The following PNRC2 variants were observed in gnomAD, a reference collection of about 807,000 sequenced individuals.
PNRC2 encodes proline rich nuclear receptor coactivator 2.
In PNRC2, 2 loss-of-function variants were observed where a neutral mutation model predicts 12.2. The ratio of observed to expected loss-of-function variants is 0.16; its 90% CI spans 0.07 to 0.52. PNRC2 has a LOEUF of 0.52. Among genes scored for constraint, PNRC2 ranks in the 20% least tolerant of loss-of-function variants. The pLI is 0.95. For missense variants in PNRC2, 115 were observed against 158.4 expected (o/e 0.73, Z 1.47); for synonymous variants, 44 against 53.9 (o/e 0.82, Z 0.80).
Position 23,961,730 on chromosome 1 carries a change from G to C in PNRC2, c.273G>C (p.Gln91His). ...PRLLFKSQANQNYAGAKFSEP... is the reference protein window; with the variant it reads ...PRLLFKSQANHNYAGAKFSEP... ...TACTTTTTAAATCTCAAGCTAATCA[G>C]AACTATGCTGGTGCCAAATTTAGTG... Residue 91 changes from glutamine to histidine, a missense_variant, in exon 3 of 3, where the codon CAG becomes CAC. Transcript: ENST00000334351. 1.2e-6 allele frequency: 2 copies of C among 1,613,990 alleles called. No individual in the cohort carries two copies. Among genetic ancestry groups the C allele is most frequent in the South Asian group, 2.2e-5 (2 of 91,076 alleles).
chr1:23,960,452 A>C (rs939937830), intron 1 of PNRC2, among the ~76,000 whole-genome samples: 3 of 152,152 alleles, frequency 2.0e-5, no homozygotes, highest in Admixed American at 6.5e-5. Context: ...GACGGGGAGG[A>C]GGCGAGAGCG....
Position 23,961,589 on chromosome 1 carries a change from A to G in PNRC2, c.132A>G (p.Glu44=), listed in dbSNP as rs1641277369. ...TGAAGATTGTTCATAAGAAAAAAGA[A>G]AGAGGACATGGTTATAACTCATCAG... is the stretch of plus-strand genomic sequence containing the variant. ...SQMKIVHKKK[E]RGHGYNSSAA... is the part of the protein sequence containing the mutation. The change falls in exon 3 of 3, where the codon GAA becomes GAG. Residue 44 remains glutamate, a synonymous_variant. Coordinates refer to ENST00000334351, the MANE Select transcript of PNRC2 (RefSeq NM_017761.4). The G allele has an allele frequency of 1.2e-6, 2 of 1,613,870 alleles. No homozygotes were observed. The highest frequency in any genetic ancestry group is 1.3e-5 in the African/African-American group (1 of 74,926).
rs1641304569 is a variant in PNRC2 at position 23,962,724 on chromosome 1, T to C, written c.*847T>C. ...CTTACAAAAATGGAGTATTTTAGTATGAATTTGCTGAATGTAAGACCGTGG... is the reference window on the plus strand; with the variant it reads ...CTTACAAAAATGGAGTATTTTAGTACGAATTTGCTGAATGTAAGACCGTGG... On this transcript the variant is annotated 3_prime_UTR_variant, in exon 3 of 3. Coordinates refer to ENST00000334351, the MANE Select transcript of PNRC2 (RefSeq NM_017761.4). 1 of 167,064 alleles carries C rather than the reference T, an allele frequency of 6.0e-6. No homozygotes were observed. Among genetic ancestry groups the C allele is most frequent in the Non-Finnish European group, 1.5e-5 (1 of 68,086 alleles). 10.3% of individuals were successfully genotyped at this position (167,064 alleles called of 1,614,324 possible).
At position 23,961,974 on chromosome 1, in the gene PNRC2, A is replaced by T. The variant is rs1305167574; in HGVS notation, c.*97A>T. The T allele has an allele frequency of 2.8e-6, 2 of 722,082 alleles. No homozygotes were observed. The highest frequency in any genetic ancestry group is 4.6e-6 in the Non-Finnish European group (2 of 432,146). The allele number at this position is 722,082 out of a possible 1,614,324, so 44.7% of individuals were successfully genotyped here. ...GAATCTATTTGTGTAGAACTAATTA[A>T]TGTAAAAAAAATAGACCATCTCGTG... is the stretch of plus-strand genomic sequence containing the variant. On this transcript the variant is annotated 3_prime_UTR_variant, in exon 3 of 3. Transcript: ENST00000334351.
rs1361674230 is a variant in PNRC2 at position 23,963,032 on chromosome 1, A to C, written c.*1155A>C. Reference sequence around the variant, plus strand: ...AACCTTATAGATTGTTGGCTTTCACAATCTTATAACCTAGGATACAGGTAG... The same window carrying C: ...AACCTTATAGATTGTTGGCTTTCACCATCTTATAACCTAGGATACAGGTAG... On this transcript the variant is annotated 3_prime_UTR_variant, in exon 3 of 3. Transcript: ENST00000334351. 1.2e-5 allele frequency: 2 copies of C among 167,060 alleles called. No individual in the cohort carries two copies. The highest frequency in any genetic ancestry group is 2.4e-5 in the African/African-American group (1 of 41,460). The allele number at this position is 167,060 out of a possible 1,614,324, so 10.3% of individuals were successfully genotyped here.
chr1:23,959,726 A>AGAC (rs1641240756), upstream of PNRC2: 1 of 152,638 alleles, frequency 6.6e-6, no homozygotes, highest in Non-Finnish European at 1.5e-5. Flanking sequence ...CCCCAGCAAC[A>AGAC]GGCGGCGGCC....
At chr1:23,960,405 G>A (rs1641254596) in intron 1 of PNRC2, among the ~76,000 whole-genome samples, 2 of 152,146 alleles carry the variant, frequency 1.3e-5, no homozygotes, top group Admixed American at 1.3e-4. Context: ...ATTTAAGATG[G>A]GCTTAGACTG....
intron 2 of PNRC2, 48 bp downstream of exon 2, chr1:23,961,182 CA>C (rs1641269756): frequency 2.3e-6 from 1 of 438,014 alleles, no homozygotes; most frequent in Admixed American, 3.8e-5. Flanking sequence ...CATCCTAAAC[CA>C]ATTGTTTTTA....
chr1:23,960,055 T>G (rs1168190791), intron 1 of PNRC2, 57 bp downstream of exon 1: 2 of 152,104 alleles, frequency 1.3e-5, no homozygotes, highest in African/African-American at 2.4e-5. Context: ...TCCCCATTGT[T>G]GGAGGAAGGA....
At position 23,961,576 on chromosome 1, in the gene PNRC2, A is replaced by G. The variant is rs1281761401; in HGVS notation, c.119A>G (p.His40Arg). ...KEQNSQMKIV[H>R]KKKERGHGYN... is the part of the protein sequence containing the mutation. ...CAGAATTCCCAGATGAAGATTGTTC[A>G]TAAGAAAAAAGAAAGAGGACATGGT... The change falls in exon 3 of 3, where the codon CAT (histidine) becomes CGT (arginine). Residue 40 changes from histidine to arginine, a missense_variant. Physicochemically the swap from His to Arg is conservative, Grantham distance 29. Around this residue, in one of 2 missense-constraint regions of PNRC2, gnomAD observed 98 missense variants for 112.4 expected, o/e 0.87. Transcript: ENST00000334351. 1.4e-5 allele frequency: 23 copies of G among 1,613,948 alleles called. No homozygotes were observed. Among genetic ancestry groups the G allele is most frequent in the Admixed American group, 1.7e-5 (1 of 60,022 alleles).
At chr1:23,959,510 C>A (rs1368953518), upstream of PNRC2, among the ~76,000 whole-genome samples, 2 of 152,030 alleles carry the variant, frequency 1.3e-5, no homozygotes, top group African/African-American at 4.8e-5. Flanking sequence ...GTCCCAAGGG[C>A]GGCGAGCCCG....
intron 1 of PNRC2, 49 bp from the exon 2 acceptor site, chr1:23,960,880 A>G (rs1187202133): frequency 7.5e-6 from 3 of 397,906 alleles, no homozygotes; most frequent in Non-Finnish European, 1.3e-5. Flanking sequence ...CTAAATGATC[A>G]CTTTCTCAAC....
chr1:23,962,360 A>C lies in PNRC2; in HGVS notation c.*483A>C, dbSNP rs1043996402. Reference sequence around the variant, plus strand: ...TAATAATTGCATTTTAGTGAATTGTACAGTGGGTGGAAAGGGCATTTGGAG... The same window carrying C: ...TAATAATTGCATTTTAGTGAATTGTCCAGTGGGTGGAAAGGGCATTTGGAG... On this transcript the variant is annotated 3_prime_UTR_variant, in exon 3 of 3. Transcript: ENST00000334351. 6 of 169,588 alleles carry C rather than the reference A, an allele frequency of 3.5e-5. No individual in the cohort carries two copies. Among genetic ancestry groups the C allele is most frequent in the Non-Finnish European group, 5.7e-5 (4 of 69,796 alleles). The allele number at this position is 169,588 out of a possible 1,614,324, so 10.5% of individuals were successfully genotyped here. A position where few individuals can be genotyped will look rare whatever the true frequency, so the allele number is the denominator to read the frequency against.
upstream of PNRC2, among the ~76,000 whole-genome samples, chr1:23,959,646 C>G (rs1284415160): frequency 6.6e-6 from 1 of 152,220 alleles, no homozygotes; most frequent in African/African-American, 2.4e-5. Flanking sequence ...TTACTCCCGG[C>G]ATGCTCCTCC....
rs1641308145 is a variant in PNRC2 at position 23,962,902 on chromosome 1, C to T, written c.*1025C>T. Reference sequence around the variant, plus strand: ...AACCCTAGTGTAATAAGTTTTATAACTAAAAAGGTTTAAGCTGCTAAAACT... The same window carrying T: ...AACCCTAGTGTAATAAGTTTTATAATTAAAAAGGTTTAAGCTGCTAAAACT... On this transcript the variant is annotated 3_prime_UTR_variant, in exon 3 of 3. Transcript: ENST00000334351. The T allele has an allele frequency of 1.2e-5, 2 of 166,744 alleles. No individual in the cohort carries two copies. The highest frequency in any genetic ancestry group is 4.8e-5 in the African/African-American group (2 of 41,372). The allele number at this position is 166,744 out of a possible 1,614,324, so 10.3% of individuals were successfully genotyped here. A position where few individuals can be genotyped will look rare whatever the true frequency, so the allele number is the denominator to read the frequency against.
At chr1:23,960,388 T>C (rs1641254175) in intron 1 of PNRC2, among the ~76,000 whole-genome samples, 1 of 152,202 alleles carries the variant, frequency 6.6e-6, no homozygotes, top group African/African-American at 2.4e-5. Flanking sequence ...GGGAGACATT[T>C]TTATATATTT....
chr1:23,961,275 A>T (rs1570751127), intron 2 of PNRC2, 141 bp downstream of exon 2: 3 of 537,996 alleles, frequency 5.6e-6, no homozygotes. Flanking sequence ...GCATATATTG[A>T]AGTCTGAACG....
chr1:23,959,318 A>T (rs1182169583), upstream of PNRC2: 6 of 145,948 alleles, frequency 4.1e-5, no homozygotes, highest in Non-Finnish European at 7.5e-5. Context: ...CCGGCTTCGG[A>T]CGCGGAGTTG....
At chr1:23,960,061 A>G (rs1641246658) in intron 1 of PNRC2, 63 bp downstream of exon 1, 2 of 152,318 alleles carry the variant, frequency 1.3e-5, no homozygotes, top group South Asian at 2.1e-4. Context: ...TTGTTGGAGG[A>G]AGGAGGCGAG....
Sources: gnomAD v4.1 joint callset for allele counts (sites outside exome capture counted in the v4.1 genomes callset) on GRCh38, gnomAD v4.1.1 for gene constraint, gnomAD v4.1.1 regional missense constraint, MANE v1.5 for transcripts, NCBI Gene and HGNC (gene_info 2026-07-23, HGNC 2026-07-21) for gene names.